The following ADAMTS20 variants were observed in gnomAD, a reference collection of about 807,000 sequenced individuals.
ADAMTS20 encodes the protein ADAM metallopeptidase with thrombospondin type 1 motif 20.
A neutral mutation model predicts 260.1 loss-of-function variants in ADAMTS20; 225 were observed. That is an observed-to-expected ratio of 0.87 (90% CI 0.78 to 0.97). The LOEUF is 0.97. ADAMTS20 is among the 50% of genes least tolerant of loss of function. The probability of loss-of-function intolerance (pLI) is 0.00; values close to 1 mark genes in which losing one functional copy is unlikely to be tolerated. For missense variants in ADAMTS20, 2,400 were observed against 2,337.7 expected (o/e 1.03, Z -0.55); for synonymous variants, 802 against 769.5 (o/e 1.04, Z -0.70).
intron 2 of ADAMTS20, among the ~76,000 whole-genome samples, chr12:43,535,686 C>T (rs1943285386): frequency 6.6e-6 from 1 of 152,008 alleles, no homozygotes; most frequent in Non-Finnish European, 1.5e-5. Context: ...ATAAAAGATA[C>T]ATAACTTTTT....
chr12:43,524,717 A>G (rs897116708), intron 3 of ADAMTS20, among the ~76,000 whole-genome samples: 1 of 152,226 alleles, frequency 6.6e-6, no homozygotes, highest in Non-Finnish European at 1.5e-5. Flanking sequence ...TACAAAATGC[A>G]GTGGAAACTT....
At chr12:43,501,010 T>A (rs1942750214) in intron 4 of ADAMTS20, among the ~76,000 whole-genome samples, 1 of 150,472 alleles carries the variant, frequency 6.6e-6, no homozygotes, top group Non-Finnish European at 1.5e-5. Flanking sequence ...AGCAATGAGA[T>A]ATGTTCCAAA....
intron 8 of ADAMTS20, 43 bp from the exon 9 acceptor site, chr12:43,466,838 C>T (rs1394075382): frequency 7.1e-7 from 1 of 1,414,176 alleles, no homozygotes; most frequent in Non-Finnish European, 9.8e-7. Flanking sequence ...TCAAAAGATG[C>T]TTACGATATT....
chr12:43,504,470 T>C (rs1942814247), intron 3 of ADAMTS20, among the ~76,000 whole-genome samples: 2 of 152,168 alleles, frequency 1.3e-5, no homozygotes, highest in Non-Finnish European at 2.9e-5. Context: ...ATTCTGGAAA[T>C]TTGACAAATT....
At chr12:43,501,055 C>CTTTTTTTTTTTTTTTTT (rs79075751) in intron 4 of ADAMTS20, among the ~76,000 whole-genome samples, 1 of 104,882 alleles carries the variant, frequency 9.5e-6, no homozygotes, top group Admixed American at 1.3e-4. Context: ...CTATGTAATT[C>CTTTTTTTTTTTTTTTTT]TTTTTTTTTT....
At chr12:43,408,119 C>A (rs1199912755) in intron 28 of ADAMTS20, among the ~76,000 whole-genome samples, 2 of 152,024 alleles carry the variant, frequency 1.3e-5, no homozygotes, top group African/African-American at 2.4e-5. Flanking sequence ...TTAACAATTT[C>A]TTTGGGGCCA....
intron 28 of ADAMTS20, among the ~76,000 whole-genome samples, chr12:43,402,232 G>A (rs937561339): frequency 2.0e-5 from 3 of 151,822 alleles, no homozygotes; most frequent in African/African-American, 7.2e-5. Flanking sequence ...TTTATTAATG[G>A]TATAAGCAAT....
At chr12:43,487,413 C>A (rs1396947457) in intron 7 of ADAMTS20, among the ~76,000 whole-genome samples, 1 of 112,502 alleles carries the variant, frequency 8.9e-6, no homozygotes, top group Non-Finnish European at 1.7e-5. Context: ...ACTGGAAGCT[C>A]GGAAGAGGGA....
intron 27 of ADAMTS20, among the ~76,000 whole-genome samples, chr12:43,425,970 G>GT (rs1215660675): frequency 6.6e-6 from 1 of 152,010 alleles, no homozygotes; most frequent in African/African-American, 2.4e-5. Context: ...ATATATTTCA[G>GT]TAAGATATCC....
chr12:43,427,705 A>C (rs991978942), intron 26 of ADAMTS20, among the ~76,000 whole-genome samples: 22 of 152,208 alleles, frequency 1.4e-4, no homozygotes, highest in African/African-American at 5.1e-4. Flanking sequence ...ATTAGGAAAC[A>C]ATTTTCATTT....
chr12:43,519,153 T>A (rs556204311), intron 3 of ADAMTS20, among the ~76,000 whole-genome samples: 2 of 152,092 alleles, frequency 1.3e-5, no homozygotes, highest in Non-Finnish European at 2.9e-5. Context: ...CCAGATTCAG[T>A]ACTGTGACTT....
chr12:43,507,768 A>G (rs568478903), intron 3 of ADAMTS20, among the ~76,000 whole-genome samples: 1 of 152,322 alleles, frequency 6.6e-6, no homozygotes, highest in Admixed American at 6.5e-5. Flanking sequence ...AGAATGGATA[A>G]AGAAAACGTG....
intron 31 of ADAMTS20, among the ~76,000 whole-genome samples, chr12:43,378,649 A>C (rs1250997121): frequency 6.6e-6 from 1 of 152,250 alleles, no homozygotes; most frequent in African/African-American, 2.4e-5. Flanking sequence ...AAAAATATCT[A>C]GTCAGCAAAA....
intron 38 of ADAMTS20, among the ~76,000 whole-genome samples, chr12:43,355,857 A>G (rs1939732553): frequency 6.6e-6 from 1 of 152,028 alleles, no homozygotes; most frequent in African/African-American, 2.4e-5. Context: ...AATAATTATA[A>G]GAATAAACTA....
chr12:43,427,088 G>A (rs1369683854), intron 27 of ADAMTS20, among the ~76,000 whole-genome samples: 1 of 152,000 alleles, frequency 6.6e-6, no homozygotes, highest in South Asian at 2.1e-4. Context: ...TGGGAAGATC[G>A]CTTGAGCCCA....
chr12:43,548,320 G>A (rs1943467944), intron 2 of ADAMTS20, among the ~76,000 whole-genome samples: 1 of 152,160 alleles, frequency 6.6e-6, no homozygotes, highest in Admixed American at 6.5e-5. Context: ...TACACAAGGT[G>A]ACAAAGATAA....
In ADAMTS20 at chr12:43,399,214, T is replaced by C. The variant is rs750146064; in HGVS notation, c.4304A>G (p.Lys1435Arg). ...PWTSCSASCG[K>R]GRKYREVFCI... ...AAACACTTCACGGTACTTTCTACCT[T>C]TACCACAAGAAGCTGAGCACTAGAA... The change falls in exon 29 of 39, where the codon AAA (lysine) becomes AGA (arginine). Residue 1435 changes from lysine (K) to arginine (R), a missense_variant. Coordinates refer to ENST00000389420, the MANE Select transcript of ADAMTS20 (RefSeq NM_025003.5). 175 of 1,544,958 alleles carry C rather than the reference T, an allele frequency of 1.1e-4. No individual in the cohort carries two copies. Among genetic ancestry groups the C allele is most frequent in the Non-Finnish European group, 1.5e-4 (170 of 1,147,538 alleles).
intron 28 of ADAMTS20, among the ~76,000 whole-genome samples, chr12:43,420,253 A>G (rs1941201011): frequency 6.6e-6 from 1 of 152,132 alleles, no homozygotes; most frequent in Admixed American, 6.5e-5. Flanking sequence ...TAAACTGCAA[A>G]CACCTTGTCC....
chr12:43,431,338 C>T lies in ADAMTS20; in HGVS notation c.3255G>A (p.Trp1085Ter). ...HTCASWQVGPWGPCTTTCGHG... is the reference protein window; with the variant it reads ...HTCASWQVGP The stretch of plus-strand genomic sequence containing the variant: ...ACCCATATCATATACTCACAGGACC[C>T]CATGGTCCTACTTGCCAGGAAGCAC... Residue 1085 changes from tryptophan to a stop codon, truncating the protein, a stop_gained, in exon 22 of 39, where the codon TGG (tryptophan) becomes TGA (stop). Transcript: ENST00000389420. LOFTEE classifies it high-confidence loss of function. 6.2e-7 allele frequency: 1 copy of T among 1,613,606 alleles called. No individual in the cohort carries two copies. The highest frequency in any genetic ancestry group is 8.5e-7 in the Non-Finnish European group (1 of 1,179,640).
Sources: allele counts gnomAD v4.1 joint callset (sites outside exome capture counted in the v4.1 genomes callset), GRCh38; gene constraint gnomAD v4.1.1; transcripts MANE v1.5; gene names NCBI Gene and HGNC (gene_info 2026-07-23, HGNC 2026-07-21).